TTBK2: variants seen among roughly 807,000 people sequenced by gnomAD.
TTBK2 encodes tau tubulin kinase 2.
In TTBK2, 28 loss-of-function variants were observed where a neutral mutation model predicts 110.8. That is an observed-to-expected ratio of 0.25 (90% CI 0.19 to 0.35). The LOEUF is 0.35. TTBK2 is among the 10% of genes least tolerant of loss of function. The pLI, the probability that TTBK2 is intolerant of heterozygous loss-of-function variation, is 1.00. For synonymous variants in TTBK2, 532 were observed against 527.3 expected, an observed-to-expected ratio of 1.01 and a Z score of -0.12; for missense variants, 1,369 against 1,500.3, an observed-to-expected ratio of 0.91 and a Z score of 1.45.
At chr15:42,789,699 A>G (rs765881049) in intron 10 of TTBK2, among the ~76,000 whole-genome samples, 1 of 152,090 alleles carries the variant, frequency 6.6e-6, no homozygotes, top group Non-Finnish European at 1.5e-5. Flanking sequence ...ATGTCATTGC[A>G]CTCCAGCCTG....
chr15:42,904,367 C>A (rs1205841019), intron 1 of TTBK2, among the ~76,000 whole-genome samples: 1 of 151,952 alleles, frequency 6.6e-6, no homozygotes, highest in Non-Finnish European at 1.5e-5. Flanking sequence ...AGCTACAGTA[C>A]CAATATTGCC....
intron 9 of TTBK2, among the ~76,000 whole-genome samples, chr15:42,796,448 C>T (rs964404293): frequency 1.3e-5 from 2 of 151,962 alleles, no homozygotes; most frequent in Non-Finnish European, 2.9e-5. Flanking sequence ...ATAGAACCAG[C>T]TGGTATTATT....
intron 9 of TTBK2, among the ~76,000 whole-genome samples, chr15:42,805,874 G>C (rs1430871760): frequency 6.6e-6 from 1 of 152,212 alleles, no homozygotes; most frequent in Non-Finnish European, 1.5e-5. Context: ...TATATGGGCA[G>C]AGCCTGGATT....
chr15:42,760,391 A>C (rs1027718633), intron 13 of TTBK2, among the ~76,000 whole-genome samples: 4 of 151,262 alleles, frequency 2.6e-5, no homozygotes, highest in Non-Finnish European at 5.9e-5. Flanking sequence ...TCTCAAAAAA[A>C]AAAAAAAAAA....
At chr15:42,811,854 C>T in intron 7 of TTBK2, 74 bp from the exon 8 acceptor site, 1 of 1,373,174 alleles carries the variant, frequency 7.3e-7, no homozygotes, top group Non-Finnish European at 1.0e-6. Flanking sequence ...AAGGTCTAAC[C>T]ATTTTGTTTC....
chr15:42,817,197 T>C, intron 6 of TTBK2, 100 bp from the exon 7 acceptor site: 1 of 804,406 alleles, frequency 1.2e-6, no homozygotes, highest in Non-Finnish European at 1.8e-6. Flanking sequence ...CGTCCTTTAT[T>C]GTCACAATAA....
At chr15:42,865,686 G>A (rs1364956637) in intron 3 of TTBK2, among the ~76,000 whole-genome samples, 1 of 151,274 alleles carries the variant, frequency 6.6e-6, no homozygotes, top group Non-Finnish European at 1.5e-5. Flanking sequence ...AGCTAGGCAT[G>A]GCAGCACAGA....
Position 42,783,491 on chromosome 15 carries a change from G to A in TTBK2, c.1125C>T (p.Pro375=), listed in dbSNP as rs1052182788. The stretch of plus-strand genomic sequence containing the variant: ...CCCAAACATCCTTCTCCTGGGGACG[G>A]GGGTGTCCCAGAGATCCAGGCAATT... ...PDKLPGSLGH[P]RPQEKDVWEE... is the part of the protein sequence containing the mutation. Residue 375 remains proline (P), a synonymous_variant, in exon 11 of 15, where the codon CCC becomes CCT. Coordinates refer to ENST00000267890, the MANE Select transcript of TTBK2 (RefSeq NM_173500.4). 105 of 1,614,002 alleles carry A rather than the reference G, an allele frequency of 6.5e-5. No individual in the cohort carries two copies. Among genetic ancestry groups the A allele is most frequent in the Non-Finnish European group, 8.5e-5 (100 of 1,180,044 alleles).
rs1304287393 is a variant in TTBK2 at position 42,753,183 on chromosome 15, T to C, written c.2063A>G (p.Gln688Arg). Residue 688 changes from glutamine to arginine, a missense_variant, in exon 14 of 15, where the codon CAG becomes CGG. By Grantham distance (43) the Gln-to-Arg change is conservative. Around this residue, in one of 4 missense-constraint regions of TTBK2, gnomAD observed 1,097 missense variants for 1,114.7 expected, o/e 0.98. Transcript: ENST00000267890. ...QSTSGSFHCG[Q>R]QPEKKDLQPM... The stretch of plus-strand genomic sequence containing the variant: ...CTGAAGATCTTTCTTCTCTGGCTGC[T>C]GACCACAGTGAAAGCTTCCTGAAGT... The C allele has an allele frequency of 6.2e-7, 1 of 1,610,462 alleles. No individual in the cohort carries two copies. Among genetic ancestry groups the C allele is most frequent in the African/African-American group, 1.3e-5 (1 of 74,658 alleles).
chr15:42,858,731 C>T (rs756578176), intron 3 of TTBK2, among the ~76,000 whole-genome samples: 23 of 152,136 alleles, frequency 1.5e-4, no homozygotes, highest in Non-Finnish European at 2.9e-4. Flanking sequence ...GAATCATACA[C>T]GGGAACCAGT....
intron 6 of TTBK2, among the ~76,000 whole-genome samples, chr15:42,820,115 T>C (rs145831222): frequency 4.6e-5 from 7 of 152,282 alleles, no homozygotes; most frequent in Admixed American, 4.6e-4. Context: ...TTTAGAGAAA[T>C]CTTGACATAA....
At position 42,872,718 on chromosome 15, in the gene TTBK2, T is replaced by A; in HGVS notation, c.110A>T (p.Asp37Val). Reference sequence around the variant, plus strand: ...TTCCCTGGTGAGCATGTCCAAGGCATCGTAAATTTCTCCAAAGCCCCCACC... The same window carrying A: ...TTCCCTGGTGAGCATGTCCAAGGCAACGTAAATTTCTCCAAAGCCCCCACC... Reference protein sequence around the residue: ...IGGGGFGEIYDALDMLTRENV... With the variant: ...IGGGGFGEIYVALDMLTRENV... The change falls in exon 3 of 15, where the codon GAT (aspartate) becomes GTT (valine). Residue 37 changes from aspartate to valine, a missense_variant. Transcript: ENST00000267890. 1 of 1,614,134 alleles carries A rather than the reference T, an allele frequency of 6.2e-7. No homozygotes were observed. Among genetic ancestry groups the A allele is most frequent in the Non-Finnish European group, 8.5e-7 (1 of 1,180,016 alleles).
intron 9 of TTBK2, among the ~76,000 whole-genome samples, chr15:42,796,757 G>C (rs1890964480): frequency 6.6e-6 from 1 of 152,130 alleles, no homozygotes; most frequent in Non-Finnish European, 1.5e-5. Flanking sequence ...GTGTCTCCAG[G>C]ATCTCATACA....
intron 9 of TTBK2, among the ~76,000 whole-genome samples, chr15:42,803,952 G>T (rs533925642): frequency 6.7e-6 from 1 of 148,920 alleles, no homozygotes; most frequent in Non-Finnish European, 1.5e-5. Context: ...GCTTTAACCC[G>T]GGAGGTGGAG....
intron 3 of TTBK2, among the ~76,000 whole-genome samples, chr15:42,851,504 GAATAGAAAATA>G (rs1893710551): frequency 6.6e-6 from 1 of 152,038 alleles, no homozygotes; most frequent in African/African-American, 2.4e-5. Context: ...ACATTCAGGT[GAATAGAAAATA>G]AATCTTAGTG....
rs553147640 is a variant in TTBK2 at position 42,789,628 on chromosome 15, G to A, written c.980+5016C>T. Among the ~76,000 whole-genome samples the A allele has an allele frequency of 2.2e-4, 34 of 152,190 alleles. No homozygotes were observed. The South Asian group carries it at 6.4e-3, about 29-fold the overall frequency. On this transcript the variant is annotated intron_variant, in intron 10 of 14. Transcript: ENST00000267890. ...GCAGGCCTGTAATCCCAGCTACTCA[G>A]GAGTCTGAGGCAGGAGAATCCCTTG... is the stretch of plus-strand genomic sequence containing the variant.
At chr15:42,763,149 T>C (rs1482982272) in intron 13 of TTBK2, among the ~76,000 whole-genome samples, 11 of 60,442 alleles carry the variant, frequency 1.8e-4, no homozygotes, top group Non-Finnish European at 2.9e-4. Context: ...CATACATATA[T>C]ATATATACAT....
chr15:42,773,388 G>A (rs1889762177), intron 13 of TTBK2, among the ~76,000 whole-genome samples: 1 of 151,312 alleles, frequency 6.6e-6, no homozygotes, highest in African/African-American at 2.4e-5. Context: ...AGTGAGCCGA[G>A]ATCACACCAC....
rs199635198 is a variant in TTBK2 at position 42,745,987 on chromosome 15, C to T, written c.3543G>A (p.Ser1181=). The T allele has an allele frequency of 2.3e-4, 368 of 1,614,048 alleles. No individual in the cohort carries two copies. Among genetic ancestry groups the T allele is most frequent in the East Asian group, 1.6e-3 (73 of 44,880 alleles). The change falls in exon 15 of 15, where the codon TCG becomes TCA. Residue 1181 remains serine, a synonymous_variant. Transcript: ENST00000267890. The part of the protein sequence containing the change: ...AGRPHHDQRS[S]SPHLGRSKSP... ...ACTTGCTTCTCCCCAGATGTGGGGA[C>T]GAACTCCTCTGGTCATGGTGGGGCC... is the stretch of plus-strand genomic sequence containing the variant.
Sources: allele counts gnomAD v4.1 joint callset (sites outside exome capture counted in the v4.1 genomes callset), GRCh38; gene constraint gnomAD v4.1.1; regional missense constraint gnomAD v4.1.1; transcripts MANE v1.5; gene names NCBI Gene and HGNC (gene_info 2026-07-23, HGNC 2026-07-21).